The following DPYD variants were observed in gnomAD, a reference collection of about 807,000 sequenced individuals.
DPYD encodes dihydropyrimidine dehydrogenase [NADP(+)].
DPYD carries 109 observed loss-of-function variants against 116.2 expected under a neutral mutation model. That is an observed-to-expected ratio of 0.94 (90% CI 0.80 to 1.10). The LOEUF is 1.10. Among genes scored for constraint, DPYD ranks in the 50% least tolerant of loss-of-function variants. DPYD has a pLI of 0.00. For missense variants in DPYD, 1,302 were observed against 1,254.5 expected (o/e 1.04, Z -0.57); for synonymous variants, 440 against 432.0 (o/e 1.02, Z -0.23).
intron 18 of DPYD, among the ~76,000 whole-genome samples, chr1:97,301,739 C>T (rs1666877703): frequency 1.3e-5 from 2 of 150,826 alleles, no homozygotes; most frequent in South Asian, 2.1e-4. Flanking sequence ...ACATCTTTAG[C>T]TTATGCCATG....
intron 18 of DPYD, among the ~76,000 whole-genome samples, chr1:97,259,568 G>T (rs1454433508): frequency 6.6e-6 from 1 of 152,024 alleles, no homozygotes; most frequent in Non-Finnish European, 1.5e-5. Context: ...TCAAGGTTGG[G>T]CAGTGACTTA....
At chr1:97,767,186 C>T (rs1557945421) in intron 3 of DPYD, among the ~76,000 whole-genome samples, 3 of 152,130 alleles carry the variant, frequency 2.0e-5, no homozygotes, top group African/African-American at 4.8e-5. Flanking sequence ...CTGGAATTAA[C>T]ATGATGTTAG....
chr1:97,283,881 A>G (rs1665490688), intron 18 of DPYD, among the ~76,000 whole-genome samples: 1 of 152,124 alleles, frequency 6.6e-6, no homozygotes, highest in Non-Finnish European at 1.5e-5. Flanking sequence ...AATCAGTCAG[A>G]TCTGACCTCA....
At chr1:97,828,236 C>A in intron 2 of DPYD, 40 bp from the exon 3 acceptor site, 1 of 1,591,340 alleles carries the variant, frequency 6.3e-7, no homozygotes, top group African/African-American at 1.3e-5. Context: ...CTCTAAGATC[C>A]TGAGAAAAAT....
At chr1:97,501,586 C>T in intron 13 of DPYD, among the ~76,000 whole-genome samples, 1 of 151,918 alleles carries the variant, frequency 6.6e-6, no homozygotes, top group East Asian at 1.9e-4. Context: ...TAGTGCACGC[C>T]TATAGTCCTA....
At chr1:97,140,694 G>C (rs1654152469) in intron 20 of DPYD, among the ~76,000 whole-genome samples, 1 of 152,092 alleles carries the variant, frequency 6.6e-6, no homozygotes, top group Non-Finnish European at 1.5e-5. Context: ...TTTCTCTACT[G>C]ATGCTATAGG....
rs147483517 is a variant in DPYD, at chr1:97,615,917, T to C, written c.851-20751A>G. Reference sequence around the variant, plus strand: ...TCATTACCCCTGAGTTAAGATTCCCTCTGACTGGCATGCCCTTCCTTCCCT... The same window carrying C: ...TCATTACCCCTGAGTTAAGATTCCCCCTGACTGGCATGCCCTTCCTTCCCT... On this transcript the variant is annotated intron_variant, in intron 8 of 22. Transcript: ENST00000370192. Among the ~76,000 whole-genome samples the C allele has an allele frequency of 2.3e-4, 35 of 152,256 alleles. No homozygotes were observed. In the East Asian group the frequency reaches 6.0e-3, roughly 26 times the overall value.
chr1:97,554,794 C>A (rs1433510629), intron 11 of DPYD, among the ~76,000 whole-genome samples: 1 of 152,076 alleles, frequency 6.6e-6, no homozygotes, highest in Non-Finnish European at 1.5e-5. Context: ...ATGCTCTCCA[C>A]AATGAAGATT....
intron 16 of DPYD, among the ~76,000 whole-genome samples, chr1:97,329,082 T>G (rs1668849674): frequency 6.6e-6 from 1 of 152,184 alleles, no homozygotes; most frequent in African/African-American, 2.4e-5. Flanking sequence ...GACAATTTGG[T>G]AGGATGAACT....
chr1:97,511,793 C>T (rs1004899503), intron 13 of DPYD, among the ~76,000 whole-genome samples: 1 of 151,892 alleles, frequency 6.6e-6, no homozygotes, highest in Non-Finnish European at 1.5e-5. Flanking sequence ...AGAAGTTAGG[C>T]CAGCCGATTT....
At chr1:97,811,318 A>C (rs1279134811) in intron 3 of DPYD, among the ~76,000 whole-genome samples, 2 of 152,102 alleles carry the variant, frequency 1.3e-5, no homozygotes, top group African/African-American at 4.8e-5. Flanking sequence ...AAATTTGCTC[A>C]TAACTGTATC....
intron 3 of DPYD, among the ~76,000 whole-genome samples, chr1:97,766,921 T>C (rs968933932): frequency 6.6e-6 from 1 of 152,128 alleles, no homozygotes; most frequent in Admixed American, 6.6e-5. Flanking sequence ...AGGAAAGTGA[T>C]AGACTACGAA....
rs79428004 is a variant in DPYD at position 97,440,943 on chromosome 1, G to C, written c.1905+9116C>G. On this transcript the variant is annotated intron_variant, in intron 14 of 22. Transcript: ENST00000370192. ...CACTTATATTTTTAAAAGGTATGTG[G>C]CTGGATTTTGAAATCTAGGTTAATA... 7.9e-5 allele frequency among the ~76,000 whole-genome samples: 12 copies of C among 152,196 alleles called. No individual in the cohort carries two copies. In the East Asian group the frequency reaches 2.3e-3, roughly 29 times the overall value.
intron 13 of DPYD, 70 bp downstream of exon 13, chr1:97,515,656 T>A (rs989004482): frequency 1.4e-6 from 2 of 1,387,134 alleles, no homozygotes; most frequent in African/African-American, 2.9e-5. Flanking sequence ...AAAAAATCCA[T>A]TATAATGTTT....
chr1:97,820,828 T>C (rs973015877), intron 3 of DPYD, among the ~76,000 whole-genome samples: 1 of 152,212 alleles, frequency 6.6e-6, no homozygotes, highest in African/African-American at 2.4e-5. Flanking sequence ...AAATAATTTG[T>C]ATTCTTGCCA....
At chr1:97,426,792 A>G (rs1674889404) in intron 14 of DPYD, among the ~76,000 whole-genome samples, 1 of 152,104 alleles carries the variant, frequency 6.6e-6, no homozygotes, top group Non-Finnish European at 1.5e-5. Flanking sequence ...TGTTAAGAGG[A>G]TATGTTTCAA....
At chr1:97,130,872 T>A (rs1653277336) in intron 20 of DPYD, among the ~76,000 whole-genome samples, 1 of 143,216 alleles carries the variant, frequency 7.0e-6, no homozygotes, top group Non-Finnish European at 1.5e-5. Context: ...CCTTCCTTCC[T>A]TCCTTCCTTC....
Position 97,593,327 on chromosome 1 carries a change from G to C in DPYD, c.1019C>G (p.Ala340Gly). 1 of 1,614,112 alleles carries C rather than the reference G, an allele frequency of 6.2e-7. No homozygotes were observed. ...TGCACAGTCAAAGGCAGTGTCTCCA[G>C]CTCCAAGTACAATCACGACTCCCCG... ...SIRGVVIVLG[A>G]GDTAFDCATS... The change falls in exon 10 of 23, where the codon GCT becomes GGT. Residue 340 changes from alanine (A) to glycine (G), a missense_variant. Transcript: ENST00000370192.
At chr1:97,262,547 T>C (rs1237971220) in intron 18 of DPYD, among the ~76,000 whole-genome samples, 1 of 152,118 alleles carries the variant, frequency 6.6e-6, no homozygotes, top group African/African-American at 2.4e-5. Flanking sequence ...CTTTTTAAAA[T>C]TCTAAAGTTT....
Sources: allele counts gnomAD v4.1 joint callset (sites outside exome capture counted in the v4.1 genomes callset), GRCh38; gene constraint gnomAD v4.1.1; transcripts MANE v1.5; gene names NCBI Gene and HGNC (gene_info 2026-07-23, HGNC 2026-07-21).